The following EML1 variants were observed in gnomAD, a reference collection of about 807,000 sequenced individuals.
EML1 encodes the protein EMAP like 1, also known as echinoderm microtubule-associated protein-like 1.
In EML1, 27 loss-of-function variants were observed where a neutral mutation model predicts 110.4. The observed-to-expected ratio is 0.24, with a 90% CI of 0.18 to 0.34. EML1 has a LOEUF of 0.34. Ranked by LOEUF, EML1 falls within the 10% of genes least tolerant of loss-of-function variation. The pLI is 1.00. For missense variants in EML1, 741 were observed against 1,030.9 expected, an observed-to-expected ratio of 0.72 and a Z score of 3.85; for synonymous variants, 344 against 385.8, an observed-to-expected ratio of 0.89 and a Z score of 1.27.
intron 13 of EML1, among the ~76,000 whole-genome samples, chr14:99,912,119 C>T (rs1210022815): frequency 4.0e-5 from 6 of 151,698 alleles, no homozygotes; most frequent in Admixed American, 3.3e-4. Context: ...TGAGCTCAAG[C>T]GATCCTCCCA....
intron 4 of EML1, among the ~76,000 whole-genome samples, chr14:99,888,203 G>GC (rs780054099): frequency 2.6e-4 from 39 of 152,280 alleles, no homozygotes; most frequent in Non-Finnish European, 5.3e-4. Context: ...TAACATTCCT[G>GC]CTACCTAATC....
chr14:99,743,793 G>A (rs2057072692), intron 1 of EML1, among the ~76,000 whole-genome samples: 1 of 152,246 alleles, frequency 6.6e-6, no homozygotes, highest in Admixed American at 6.5e-5. Flanking sequence ...ACTCGGAAAG[G>A]AAAGCTATCC....
intron 9 of EML1, among the ~76,000 whole-genome samples, chr14:99,904,340 T>A (rs2059808955): frequency 1.3e-5 from 2 of 152,242 alleles, no homozygotes; most frequent in Admixed American, 1.3e-4. Context: ...TTATTCTATC[T>A]AATTTAAAAC....
At chr14:99,868,879 C>T (rs950435882) in intron 3 of EML1, among the ~76,000 whole-genome samples, 1 of 151,840 alleles carries the variant, frequency 6.6e-6, no homozygotes, top group Non-Finnish European at 1.5e-5. Context: ...CTTCTAGTTC[C>T]TTGAAGTATA....
Position 99,746,983 on chromosome 14 carries a change from C to T in EML1, c.28+9123C>T, listed in dbSNP as rs1016788358. On this transcript the variant is annotated intron_variant, in intron 1 of 10. Coordinates refer to the EML1 transcript ENST00000554479. The stretch of plus-strand genomic sequence containing the variant: ...CTGTGCTTGCCTCCGCTCTATCGGG[C>T]GCTGTGCCCCATCTCACAAGGCCAG... Among the ~76,000 whole-genome samples the T allele has an allele frequency of 1.8e-4, 28 of 152,142 alleles. 1 individual carries two copies. Among genetic ancestry groups the T allele is most frequent in the Admixed American group, 6.5e-4 (10 of 15,288 alleles).
chr14:99,886,022 A>G, intron 4 of EML1: 1 of 361,742 alleles, frequency 2.8e-6, no homozygotes. Flanking sequence ...TTTGTCCCAA[A>G]TAAAGTCTCC....
At chr14:99,860,756 T>A (rs917073820) in intron 2 of EML1, among the ~76,000 whole-genome samples, 3 of 152,130 alleles carry the variant, frequency 2.0e-5, no homozygotes, top group African/African-American at 7.2e-5. Context: ...TTGGGATCTA[T>A]CCAACTTCTC....
chr14:99,778,803 C>T (rs1327342804), intron 1 of EML1, among the ~76,000 whole-genome samples: 1 of 152,118 alleles, frequency 6.6e-6, no homozygotes, highest in African/African-American at 2.4e-5. Flanking sequence ...TTGCATTTAT[C>T]TGTTGTTTTC....
At chr14:99,747,962 C>T (rs1326339946) in intron 1 of EML1, among the ~76,000 whole-genome samples, 4 of 152,186 alleles carry the variant, frequency 2.6e-5, no homozygotes, top group East Asian at 1.9e-4. Context: ...TGGCAATGAC[C>T]GAAAACCAGG....
intron 1 of EML1, among the ~76,000 whole-genome samples, chr14:99,840,515 G>T (rs926460290): frequency 6.6e-6 from 1 of 152,174 alleles, no homozygotes. Context: ...GGGACACTGG[G>T]CATGGGGACA....
intron 3 of EML1, among the ~76,000 whole-genome samples, chr14:99,878,151 AAG>A (rs56232751): frequency 0.27 from 40,261 of 151,790 alleles, 5,805 homozygotes; most frequent in Non-Finnish European, 0.32. Context: ...GGGAAACCAA[AAG>A]ATTGGACATC....
intron 1 of EML1, among the ~76,000 whole-genome samples, chr14:99,763,341 C>T (rs916306227): frequency 6.6e-6 from 1 of 152,178 alleles, no homozygotes; most frequent in African/African-American, 2.4e-5. Context: ...AATATACTCA[C>T]CGCTTCTCCA....
rs1382753311 is a variant in EML1, at chr14:99,941,379, G to A, written c.*1267G>A. 1.3e-5 allele frequency: 2 copies of A among 152,154 alleles called. No individual in the cohort carries two copies. The allele number at this position is 152,154 out of a possible 1,614,324, so 9.4% of individuals were successfully genotyped here. On this transcript the variant is annotated 3_prime_UTR_variant, in exon 22 of 22. Coordinates refer to ENST00000262233, the MANE Select transcript of EML1 (RefSeq NM_004434.3). ...CTCTATGGCACTGGTTGTTTAGAGT[G>A]ACTGATGAAGTGCAACTTTCAAAAA...
exon 1 of EML1, chr14:99,773,575 G>C (rs1295690906): frequency 2.0e-5 from 3 of 152,284 alleles, no homozygotes; most frequent in Non-Finnish European, 4.4e-5. Flanking sequence ...GCAGGCACTT[G>C]CTTCCGGATC....
chr14:99,765,193 G>A (rs1322196440), intron 1 of EML1, among the ~76,000 whole-genome samples: 3 of 151,766 alleles, frequency 2.0e-5, no homozygotes, highest in Non-Finnish European at 2.9e-5. Context: ...CTCCAGTCTC[G>A]GCCTCCCAAA....
At chr14:99,796,936 T>TTGAGAGA (rs2057787385) in intron 1 of EML1, among the ~76,000 whole-genome samples, 1 of 150,030 alleles carries the variant, frequency 6.7e-6, no homozygotes. Context: ...TGTGTGTGTG[T>TTGAGAGA]GAGAGAGTAA....
At chr14:99,769,907 A>T (rs2057405078), upstream of EML1, among the ~76,000 whole-genome samples, 1 of 152,174 alleles carries the variant, frequency 6.6e-6, no homozygotes. Flanking sequence ...GGTCTGGCCC[A>T]GTTCACCCCT....
chr14:99,769,318 G>A (rs531975508), upstream of EML1, among the ~76,000 whole-genome samples: 2 of 152,298 alleles, frequency 1.3e-5, no homozygotes, highest in South Asian at 2.1e-4. Context: ...AGGGAGCACT[G>A]TTCCAAGGAT....
At chr14:99,742,248 C>A (rs1449700904) in intron 1 of EML1, among the ~76,000 whole-genome samples, 2 of 152,146 alleles carry the variant, frequency 1.3e-5, no homozygotes, top group Non-Finnish European at 2.9e-5. Context: ...CCCTGAGGAG[C>A]AAGAGGTGGT....
Sources: gnomAD v4.1 joint callset for allele counts (sites outside exome capture counted in the v4.1 genomes callset) on GRCh38, gnomAD v4.1.1 for gene constraint, MANE v1.5 for transcripts, NCBI Gene and HGNC (gene_info 2026-07-23, HGNC 2026-07-21) for gene names.